Variants in COMMD5 observed in about 807,000 individuals in gnomAD.
COMMD5 encodes COMM domain-containing protein 5.
COMMD5 carries 10 observed loss-of-function variants against 6.9 expected under a neutral mutation model. The ratio of observed to expected loss-of-function variants is 1.44; its 90% CI spans 0.89 to 2.45. The LOEUF (loss-of-function observed/expected upper bound fraction) is 2.45. COMMD5 is among the 30% of genes most tolerant of loss of function. The pLI, the probability that COMMD5 is intolerant of heterozygous loss-of-function variation, is 0.00. For missense variants in COMMD5, 234 were observed against 287.8 expected, an observed-to-expected ratio of 0.81 and a Z score of 1.35; for synonymous variants, 127 against 125.3, an observed-to-expected ratio of 1.01 and a Z score of -0.09.
chr8:144,843,057 T>G, intron 1 of COMMD5: 2 of 1,614,152 alleles, frequency 1.2e-6, no homozygotes, highest in South Asian at 2.2e-5. Flanking sequence ...CACACCTAAT[T>G]ATACACCAGA....
downstream of COMMD5, chr8:144,838,070 G>T: frequency 2.8e-6 from 2 of 702,976 alleles, no homozygotes; most frequent in Non-Finnish European, 2.6e-6. Context: ...CCCTGTGAAG[G>T]CTTTAGGGAA....
At chr8:144,841,622 AG>A (rs1359734976) in exon 2 of COMMD5, 1 of 1,614,244 alleles carries the variant, frequency 6.2e-7, no homozygotes, top group East Asian at 2.2e-5. Context: ...CAGGGATGTA[AG>A]GAGCTGGGAA....
rs759160918 is a variant in COMMD5, at chr8:144,842,717, G to C, written c.*117-974C>G. The C allele has an allele frequency of 3.6e-5, 58 of 1,613,976 alleles. 1 individual carries two copies. The South Asian group carries it at 6.1e-4, about 17-fold the overall frequency. On this transcript the variant is annotated intron_variant and NMD_transcript_variant, in intron 1 of 1. Transcript: ENST00000530332. ...CAATGCGGAAAAGCCTTCAGTATGA[G>C]CACACAGCTTACAATACATCAAAGG...
At chr8:144,853,444 TCAGCG>T (rs1412110057), upstream of COMMD5, 1 of 151,934 alleles carries the variant, frequency 6.6e-6, no homozygotes, top group African/African-American at 2.4e-5. Context: ...ACCTTGAGGA[TCAGCG>T]CGGAGCGGAG....
chr8:144,843,437 AT>A (rs1239674963), intron 1 of COMMD5: 5 of 274,132 alleles, frequency 1.8e-5, no homozygotes, highest in South Asian at 8.8e-5. Context: ...AAATACAAAA[AT>A]TTAGCTGGGC....
intron 1 of COMMD5, 66 bp from the exon 2 acceptor site, chr8:144,851,461 G>C (rs533527609): frequency 9.5e-7 from 1 of 1,049,944 alleles, no homozygotes; most frequent in Admixed American, 2.5e-5. Context: ...AGTGAGGGTT[G>C]ATATGGTCCC....
At chr8:144,838,143 T>A, downstream of COMMD5, 3 of 702,952 alleles carry the variant, frequency 4.3e-6, no homozygotes, top group Non-Finnish European at 7.8e-6. Flanking sequence ...TTCCTTGGCT[T>A]GTGGATGCGT....
At chr8:144,849,393 C>T (rs1243747264), downstream of COMMD5, among the ~76,000 whole-genome samples, 1 of 152,132 alleles carries the variant, frequency 6.6e-6, no homozygotes, top group African/African-American at 2.4e-5. Flanking sequence ...TGACCCCACC[C>T]CCAGGTACTC....
chr8:144,851,701 A>G (rs1386971727), intron 1 of COMMD5, among the ~76,000 whole-genome samples: 1 of 152,030 alleles, frequency 6.6e-6, no homozygotes, highest in Non-Finnish European at 1.5e-5. Flanking sequence ...TAGATGAAAG[A>G]ATGAACTAGG....
At chr8:144,846,204 A>T (rs2130759128), downstream of COMMD5, 1 of 1,532,394 alleles carries the variant, frequency 6.5e-7, no homozygotes, top group Non-Finnish European at 8.7e-7. Context: ...TGCTAACCAT[A>T]ATGCTGTGTT....
At chr8:144,838,250 G>A (rs1829318046), downstream of COMMD5, 1 of 647,990 alleles carries the variant, frequency 1.5e-6, no homozygotes, top group Non-Finnish European at 2.8e-6. Flanking sequence ...AGTCATGGTG[G>A]GTTAGGGGCC....
At chr8:144,840,842 C>T (rs972204166), downstream of COMMD5, among the ~76,000 whole-genome samples, 4 of 152,158 alleles carry the variant, frequency 2.6e-5, no homozygotes, top group Non-Finnish European at 4.4e-5. Flanking sequence ...AGGGAGTAGC[C>T]ATGAACGGCC....
chr8:144,842,297 G>A, intron 1 of COMMD5: 2 of 1,614,030 alleles, frequency 1.2e-6, no homozygotes, highest in Non-Finnish European at 1.7e-6. Flanking sequence ...GCCTCAGACA[G>A]TCCAAGCCTT....
At chr8:144,851,732 G>C (rs562153388) in intron 1 of COMMD5, among the ~76,000 whole-genome samples, 72 of 152,230 alleles carry the variant, frequency 4.7e-4, no homozygotes, top group African/African-American at 1.6e-3. Flanking sequence ...GGGGAACACA[G>C]GGACACTGCA....
downstream of COMMD5, among the ~76,000 whole-genome samples, chr8:144,848,978 A>C (rs1318495065): frequency 6.6e-6 from 1 of 152,158 alleles, no homozygotes; most frequent in Non-Finnish European, 1.5e-5. Flanking sequence ...TTCACAGATG[A>C]ATTGAGGCAA....
downstream of COMMD5, among the ~76,000 whole-genome samples, chr8:144,839,485 G>A (rs955783105): frequency 6.6e-6 from 1 of 152,254 alleles, no homozygotes; most frequent in African/African-American, 2.4e-5. Flanking sequence ...ATGGACAGGA[G>A]CGTTTAAAGA....
In COMMD5 at chr8:144,842,928, G is replaced by A. The variant is rs781549082; in HGVS notation, c.*117-1185C>T. On this transcript the variant is annotated intron_variant and NMD_transcript_variant, in intron 1 of 1. Transcript: ENST00000530332. Reference sequence around the variant, plus strand: ...ACCAGAGAATACACACTAGGGCCCAGTGGTTTTACGAATATGGGAATGCCC... The same window carrying A: ...ACCAGAGAATACACACTAGGGCCCAATGGTTTTACGAATATGGGAATGCCC... 5 of 1,614,046 alleles carry A rather than the reference G, an allele frequency of 3.1e-6. No homozygotes were observed. The Admixed American group carries it at 8.3e-5, about 27-fold the overall frequency.
At chr8:144,844,486 G>GGATCATGAGGTCAGGAGATCCACCCACCT (rs1830377932) in intron 1 of COMMD5, among the ~76,000 whole-genome samples, 2 of 151,806 alleles carry the variant, frequency 1.3e-5, no homozygotes, top group Non-Finnish European at 2.9e-5. Flanking sequence ...CGAGGTGGGT[G>GGATCATGAGGTCAGGAGATCCACCCACCT]GATCATGAGG....
chr8:144,847,100 G>A (rs886634591), downstream of COMMD5: 5 of 152,188 alleles, frequency 3.3e-5, no homozygotes, highest in African/African-American at 1.2e-4. Flanking sequence ...TTAAATTCAA[G>A]CTACTGCACA....
Sources: allele counts gnomAD v4.1 joint callset (sites outside exome capture counted in the v4.1 genomes callset), GRCh38; gene constraint gnomAD v4.1.1; transcripts MANE v1.5; gene names NCBI Gene and HGNC (gene_info 2026-07-23, HGNC 2026-07-21).